Variants in HELQ observed in about 807,000 individuals in gnomAD.
HELQ encodes the protein helicase, POLQ like, also known as helicase POLQ-like.
HELQ carries 77 observed loss-of-function variants against 111.6 expected under a neutral mutation model. That is an observed-to-expected ratio of 0.69 (90% CI 0.57 to 0.83). The LOEUF is 0.83. HELQ is among the 40% of genes least tolerant of loss of function. The pLI is 0.00. For missense variants in HELQ, 1,200 were observed against 1,288.5 expected, an observed-to-expected ratio of 0.93 and a Z score of 1.05; for synonymous variants, 438 against 454.7, an observed-to-expected ratio of 0.96 and a Z score of 0.47.
intron 6 of HELQ, among the ~76,000 whole-genome samples, chr4:83,441,770 CTT>C (rs34655032): frequency 7.1e-4 from 88 of 123,808 alleles, no homozygotes; most frequent in East Asian, 3.8e-3. Context: ...AAAACTTTGT[CTT>C]TTTTTTTTTT....
Position 83,432,145 on chromosome 4 carries a change from T to G in HELQ, c.2171A>C (p.Gln724Pro). ...DTIGESILILQEKDKQQVLEL... is the reference protein window; with the variant it reads ...DTIGESILILPEKDKQQVLEL... ...TATTACCTGTTGTTTGTCTTTTTCT[T>G]GCAATATGAGGATACTCTCCCCAAT... Residue 724 changes from glutamine (Q) to proline (P), a missense_variant, in exon 10 of 18, where the codon CAA becomes CCA. Gln to Pro is a moderately conservative substitution (Grantham distance 76, BLOSUM62 -1). Coordinates refer to ENST00000295488, the MANE Select transcript of HELQ (RefSeq NM_133636.5). 1 of 1,580,278 alleles carries G rather than the reference T, an allele frequency of 6.3e-7. No individual in the cohort carries two copies. The highest frequency in any genetic ancestry group is 1.2e-5 in the South Asian group (1 of 83,974).
At chr4:83,419,294 T>C (rs1266830165) in intron 15 of HELQ, among the ~76,000 whole-genome samples, 1 of 151,478 alleles carries the variant, frequency 6.6e-6, no homozygotes, top group Non-Finnish European at 1.5e-5. Context: ...ATATTGAAAG[T>C]AGACCAGGTG....
Position 83,453,499 on chromosome 4 carries a change from C to A in HELQ, c.744G>T (p.Glu248Asp). 6.2e-7 allele frequency: 1 copy of A among 1,613,562 alleles called. No homozygotes were observed. Among genetic ancestry groups the A allele is most frequent in the Non-Finnish European group, 8.5e-7 (1 of 1,179,870 alleles). ...NCIEQPQQND[E>D]SSSKVRTSSD... ...AACTAGTTCTGACTTTGGAAGAGGA[C>A]TCATCATTTTGCTGGGGTTGCTCTA... Residue 248 changes from glutamate to aspartate, a missense_variant, in exon 2 of 18, where the codon GAG becomes GAT. By Grantham distance (45) the Glu-to-Asp change is conservative. Transcript: ENST00000295488.
intron 14 of HELQ, among the ~76,000 whole-genome samples, chr4:83,423,960 A>G (rs951905581): frequency 2.6e-5 from 4 of 152,142 alleles, no homozygotes; most frequent in African/African-American, 9.7e-5. Flanking sequence ...AGAATGTTCA[A>G]AAAAGGTCAG....
intron 12 of HELQ, among the ~76,000 whole-genome samples, chr4:83,428,225 G>T (rs1719947267): frequency 6.6e-6 from 1 of 150,982 alleles, no homozygotes; most frequent in African/African-American, 2.4e-5. Context: ...AAAAATATTT[G>T]GAAGAATACA....
chr4:83,455,224 C>T, intron 1 of HELQ, 173 bp downstream of exon 1: 1 of 1,357,882 alleles, frequency 7.4e-7, no homozygotes, highest in South Asian at 1.6e-5. Context: ...TCGGGGTTTA[C>T]ATTTCATATT....
chr4:83,413,312 G>C (rs1376128487), intron 17 of HELQ, among the ~76,000 whole-genome samples: 2 of 152,220 alleles, frequency 1.3e-5, no homozygotes, highest in South Asian at 2.1e-4. Context: ...AGGACACCCA[G>C]CTGATGTCTG....
chr4:83,455,619 A>C lies in HELQ; in HGVS notation c.75T>G (p.Ile25Met). ...PKRNRPSLGC[I>M]FGAPTAAELV... ...GCTCGGCCGCGGTGGGAGCGCCAAA[A>C]ATACACCCCAAGCTTGGACGGTTCC... The change falls in exon 1 of 18, where the codon ATT becomes ATG. Residue 25 changes from isoleucine to methionine, a missense_variant. By Grantham distance (10) the Ile-to-Met change is conservative. This residue lies in a region of HELQ where 610 missense variants were observed against 607.1 expected (regional missense o/e 1.00). Transcript: ENST00000295488. 1 of 1,613,976 alleles carries C rather than the reference A, an allele frequency of 6.2e-7. No homozygotes were observed. The highest frequency in any genetic ancestry group is 2.2e-5 in the East Asian group (1 of 44,868).
rs751377136 is a variant in HELQ, at chr4:83,446,062, G to A, written c.1417C>T (p.Arg473Cys). Residue 473 changes from arginine to cysteine, a missense_variant, in exon 5 of 18, where the codon CGT (arginine) becomes TGT (cysteine). By Grantham distance (180) the Arg-to-Cys change is radical. Coordinates refer to ENST00000295488, the MANE Select transcript of HELQ (RefSeq NM_133636.5). The part of the protein sequence containing the change: ...DELHMIGEGS[R>C]GATLEMTLAK... ...AGGGTCATTTCCAGTGTAGCTCCAC[G>A]GCTTCCTTCACCAATCATGTGCAAC... The A allele has an allele frequency of 6.8e-6, 11 of 1,613,120 alleles. No individual in the cohort carries two copies. Among genetic ancestry groups the A allele is most frequent in the African/African-American group, 4.0e-5 (3 of 74,856 alleles).
chr4:83,451,590 C>T (rs1045236978), intron 2 of HELQ, among the ~76,000 whole-genome samples: 1 of 151,874 alleles, frequency 6.6e-6, no homozygotes, highest in Non-Finnish European at 1.5e-5. Flanking sequence ...GGCGCGAACC[C>T]AGGAGGCGGA....
At chr4:83,413,383 TTCTG>T (rs1280619793) in intron 17 of HELQ, among the ~76,000 whole-genome samples, 6 of 152,154 alleles carry the variant, frequency 3.9e-5, no homozygotes, top group Non-Finnish European at 8.8e-5. Context: ...CACAGAAATC[TTCTG>T]TCTGTGTTGT....
intron 11 of HELQ, among the ~76,000 whole-genome samples, chr4:83,430,635 C>T (rs913692290): frequency 6.6e-6 from 1 of 152,070 alleles, no homozygotes; most frequent in Non-Finnish European, 1.5e-5. Flanking sequence ...GATGCTATTT[C>T]AACTGGAAAA....
intron 13 of HELQ, among the ~76,000 whole-genome samples, chr4:83,427,189 C>A (rs1279279629): frequency 6.6e-6 from 1 of 151,434 alleles, no homozygotes; most frequent in Admixed American, 6.6e-5. Context: ...TTTTTTTTAA[C>A]CTTTACTTTT....
intron 2 of HELQ, among the ~76,000 whole-genome samples, chr4:83,449,542 C>T (rs1049309967): frequency 3.3e-5 from 5 of 152,194 alleles, no homozygotes; most frequent in Non-Finnish European, 7.4e-5. Flanking sequence ...TTAACTGACA[C>T]GCCTAGGATT....
At chr4:83,445,109 T>C (rs1017488763) in intron 5 of HELQ, among the ~76,000 whole-genome samples, 4 of 152,218 alleles carry the variant, frequency 2.6e-5, no homozygotes, top group African/African-American at 7.2e-5. Flanking sequence ...TGTAGGACCC[T>C]GGCTTGGCTG....
chr4:83,440,271 A>T (rs1252820541), intron 7 of HELQ, among the ~76,000 whole-genome samples: 1 of 152,238 alleles, frequency 6.6e-6, no homozygotes, highest in Non-Finnish European at 1.5e-5. Context: ...ATTAAAGAAA[A>T]TTAAAGAAGT....
At chr4:83,411,934 C>A (rs113740854) in intron 17 of HELQ, among the ~76,000 whole-genome samples, 200 of 152,288 alleles carry the variant, frequency 1.3e-3, no homozygotes, top group African/African-American at 4.7e-3. Flanking sequence ...TGAGCCACTA[C>A]ACCTGAGCCT....
intron 14 of HELQ, 46 bp downstream of exon 14, chr4:83,425,948 G>C: frequency 1.0e-6 from 1 of 975,860 alleles, no homozygotes; most frequent in Non-Finnish European, 1.6e-6. Flanking sequence ...AGTGAACTAA[G>C]TGTTGAGTGA....
In HELQ at chr4:83,426,666, C is replaced by T. The variant is rs1438816897; in HGVS notation, c.2677-574G>A. Among the ~76,000 whole-genome samples the T allele has an allele frequency of 4.0e-5, 6 of 151,894 alleles. No individual in the cohort carries two copies. The East Asian group carries it at 1.2e-3, about 29-fold the overall frequency. On this transcript the variant is annotated intron_variant, in intron 13 of 17. Transcript: ENST00000295488. Reference sequence around the variant, plus strand: ...GCAACCTCCGCCTCCTGGGTTCAAGCGATTCTACTGCCTCAGCCTCCTGAG... The same window carrying T: ...GCAACCTCCGCCTCCTGGGTTCAAGTGATTCTACTGCCTCAGCCTCCTGAG...
Sources: allele counts gnomAD v4.1 joint callset (sites outside exome capture counted in the v4.1 genomes callset), GRCh38; gene constraint gnomAD v4.1.1; regional missense constraint gnomAD v4.1.1; transcripts MANE v1.5; gene names NCBI Gene and HGNC (gene_info 2026-07-23, HGNC 2026-07-21).